The following WDR41 variants were observed in gnomAD, a reference collection of about 807,000 sequenced individuals.
WDR41 encodes the protein WD repeat-containing protein 41.
A neutral mutation model predicts 69.3 loss-of-function variants in WDR41; 63 were observed. The ratio of observed to expected loss-of-function variants is 0.91; its 90% confidence interval spans 0.74 to 1.12. WDR41 has a LOEUF of 1.12. Ranked by LOEUF, WDR41 falls within the 50% of genes most tolerant of loss-of-function variation. WDR41 has a pLI of 0.00. For missense variants in WDR41, 543 were observed against 534.5 expected, an observed-to-expected ratio of 1.02 and a Z score of -0.16; for synonymous variants, 185 against 192.1, an observed-to-expected ratio of 0.96 and a Z score of 0.31.
intron 1 of WDR41, among the ~76,000 whole-genome samples, chr5:77,536,905 TA>T (rs1381800243): frequency 6.6e-6 from 1 of 152,246 alleles, no homozygotes; most frequent in Non-Finnish European, 1.5e-5. Flanking sequence ...AATTGTATTT[TA>T]AAAGAGAAAA....
At chr5:77,482,697 G>A (rs1801329222) in intron 2 of WDR41, among the ~76,000 whole-genome samples, 1 of 152,004 alleles carries the variant, frequency 6.6e-6, no homozygotes, top group South Asian at 2.1e-4. Flanking sequence ...GTGTGTATGT[G>A]TATATGTTAT....
chr5:77,619,246 C>T (rs1744732258), intron 1 of WDR41, among the ~76,000 whole-genome samples: 1 of 152,200 alleles, frequency 6.6e-6, no homozygotes, highest in Admixed American at 6.5e-5. Flanking sequence ...TTGCATTTCC[C>T]TCACAGCATT....
intron 2 of WDR41, among the ~76,000 whole-genome samples, chr5:77,473,215 T>C (rs574443645): frequency 4.6e-5 from 7 of 152,314 alleles, no homozygotes; most frequent in Non-Finnish European, 7.3e-5. Flanking sequence ...ATTTAATAAA[T>C]GGTGCTGGGA....
intron 12 of WDR41, among the ~76,000 whole-genome samples, chr5:77,435,872 G>A (rs559492785): frequency 6.6e-6 from 1 of 152,174 alleles, no homozygotes; most frequent in Non-Finnish European, 1.5e-5. Flanking sequence ...CTCTGTTCAT[G>A]AATTTGATAA....
At chr5:77,446,701 G>A (rs978105273) in intron 8 of WDR41, among the ~76,000 whole-genome samples, 1 of 152,178 alleles carries the variant, frequency 6.6e-6, no homozygotes, top group Non-Finnish European at 1.5e-5. Flanking sequence ...AGTAAATGGT[G>A]CTAAGAAAAC....
At chr5:77,569,908 C>G (rs1248010715) in intron 1 of WDR41, among the ~76,000 whole-genome samples, 4 of 152,162 alleles carry the variant, frequency 2.6e-5, no homozygotes, top group African/African-American at 9.7e-5. Flanking sequence ...TTAAATACAT[C>G]TACATCTCCT....
At chr5:77,584,303 T>A (rs1351107373) in intron 1 of WDR41, among the ~76,000 whole-genome samples, 3 of 152,162 alleles carry the variant, frequency 2.0e-5, no homozygotes, top group Non-Finnish European at 2.9e-5. Flanking sequence ...AAAATTATCT[T>A]TATTAGCAGA....
chr5:77,554,483 G>A (rs1195450324), intron 1 of WDR41, among the ~76,000 whole-genome samples: 1 of 152,042 alleles, frequency 6.6e-6, no homozygotes, highest in East Asian at 1.9e-4. Context: ...CCCACCATGT[G>A]AGGACACAAC....
intron 4 of WDR41, among the ~76,000 whole-genome samples, chr5:77,460,682 T>C (rs1346162118): frequency 7.1e-6 from 1 of 140,264 alleles, no homozygotes; most frequent in Non-Finnish European, 1.7e-5. Context: ...ACAAAATTCA[T>C]TTATTTTTCA....
intron 1 of WDR41, among the ~76,000 whole-genome samples, chr5:77,556,919 A>G (rs926079158): frequency 2.0e-5 from 3 of 152,082 alleles, no homozygotes; most frequent in Non-Finnish European, 2.9e-5. Context: ...TCTCCTTGGC[A>G]CCAAGGGAGG....
At chr5:77,526,619 T>C (rs1802450750) in intron 1 of WDR41, among the ~76,000 whole-genome samples, 1 of 152,104 alleles carries the variant, frequency 6.6e-6, no homozygotes, top group South Asian at 2.1e-4. Flanking sequence ...ATAATATATT[T>C]TTAACACTTC....
chr5:77,483,397 C>G (rs1007186369), intron 2 of WDR41, among the ~76,000 whole-genome samples: 14 of 151,960 alleles, frequency 9.2e-5, no homozygotes, highest in African/African-American at 3.1e-4. Flanking sequence ...TCTCAGCCTC[C>G]CAAAGTGTTA....
In WDR41 at chr5:77,477,968, T is replaced by C. The variant is rs1308135419; in HGVS notation, c.167+11489A>G. Among the ~76,000 whole-genome samples the C allele has an allele frequency of 2.7e-3, 404 of 150,284 alleles. 2 individuals carry two copies. Among genetic ancestry groups the C allele is most frequent in the African/African-American group, 9.2e-3 (375 of 40,644 alleles). On this transcript the variant is annotated intron_variant, in intron 2 of 12. Transcript: ENST00000296679. ...AAAAAAGAGAGAAGAATCAAATAGA[T>C]GCAATAAAAAATGATAAAGGGGATA... is the stretch of plus-strand genomic sequence containing the variant.
chr5:77,440,289 G>A (rs1349643787), intron 9 of WDR41, among the ~76,000 whole-genome samples: 5 of 152,088 alleles, frequency 3.3e-5, no homozygotes, highest in Non-Finnish European at 5.9e-5. Flanking sequence ...TTTCAGATCA[G>A]AGATAAGATT....
intron 8 of WDR41, among the ~76,000 whole-genome samples, chr5:77,444,281 T>C (rs1462188634): frequency 6.6e-6 from 1 of 152,196 alleles, no homozygotes; most frequent in Non-Finnish European, 1.5e-5. Flanking sequence ...ATATTATTAG[T>C]GGATGGATTT....
chr5:77,491,815 T>C (rs1029714406), intron 1 of WDR41: 1 of 289,306 alleles, frequency 3.5e-6, no homozygotes, highest in Non-Finnish European at 6.4e-6. Flanking sequence ...CGTATACTTT[T>C]TAAGTGGAAA....
At chr5:77,506,249 AAAG>A (rs1802104777) in intron 1 of WDR41, among the ~76,000 whole-genome samples, 1 of 152,226 alleles carries the variant, frequency 6.6e-6, no homozygotes, top group African/African-American at 2.4e-5. Context: ...ACACTTCTCA[AAAG>A]AAGACATTTA....
chr5:77,602,790 T>C (rs946686634), intron 1 of WDR41, among the ~76,000 whole-genome samples: 4 of 152,174 alleles, frequency 2.6e-5, no homozygotes, highest in Non-Finnish European at 5.9e-5. Context: ...TTCTGGATTG[T>C]ATGGTAGTTC....
chr5:77,450,163 G>A (rs987010018), intron 7 of WDR41, among the ~76,000 whole-genome samples: 2 of 152,100 alleles, frequency 1.3e-5, no homozygotes, highest in East Asian at 1.9e-4. Flanking sequence ...CGGATGTCTT[G>A]TTATCTCAAC....
Sources: gnomAD v4.1 joint callset for allele counts (sites outside exome capture counted in the v4.1 genomes callset) on GRCh38, gnomAD v4.1.1 for gene constraint, MANE v1.5 for transcripts, NCBI Gene and HGNC (gene_info 2026-07-23, HGNC 2026-07-21) for gene names.